Variants in SLC14A2 observed in about 807,000 individuals in gnomAD.
SLC14A2 encodes urea transporter 2.
A neutral mutation model predicts 104.6 loss-of-function variants in SLC14A2; 91 were observed. That is an observed-to-expected ratio of 0.87 (90% confidence interval 0.73 to 1.04). The LOEUF (loss-of-function observed/expected upper bound fraction) is 1.04, where lower values mean the gene tolerates loss of function less well. SLC14A2 is among the 50% of genes least tolerant of loss of function. The probability of loss-of-function intolerance (pLI) is 0.00; values close to 1 mark genes in which losing one functional copy is unlikely to be tolerated. For missense variants in SLC14A2, 1,189 were observed against 1,156.0 expected (o/e 1.03, Z -0.41); for synonymous variants, 476 against 466.4 (o/e 1.02, Z -0.27).
intron 1 of SLC14A2, among the ~76,000 whole-genome samples, chr18:45,232,788 T>C (rs955834019): frequency 3.3e-5 from 5 of 152,228 alleles, no homozygotes; most frequent in African/African-American, 1.2e-4. Flanking sequence ...CTGGATGTCA[T>C]GGGAGATGCT....
At chr18:45,354,766 A>G (rs1452569998) in intron 1 of SLC14A2, among the ~76,000 whole-genome samples, 1 of 152,176 alleles carries the variant, frequency 6.6e-6, no homozygotes, top group Non-Finnish European at 1.5e-5. Context: ...CACTTCCCCA[A>G]CCTTCACTCT....
At chr18:45,565,909 C>T (rs547173359) in intron 2 of SLC14A2, among the ~76,000 whole-genome samples, 1 of 152,328 alleles carries the variant, frequency 6.6e-6, no homozygotes, top group South Asian at 2.1e-4. Context: ...CCCTTTTACG[C>T]TGACACCTCA....
intron 1 of SLC14A2, among the ~76,000 whole-genome samples, chr18:45,340,079 T>C (rs1568158719): frequency 6.6e-6 from 1 of 152,230 alleles, no homozygotes; most frequent in African/African-American, 2.4e-5. Context: ...ACATGTGCTA[T>C]CTGAAAAGGA....
rs148116005 is a variant in SLC14A2, at chr18:45,285,567, G to A, written c.-125+72376G>A. On this transcript the variant is annotated intron_variant, in intron 1 of 20. Coordinates refer to the SLC14A2 transcript ENST00000586448. Reference sequence around the variant, plus strand: ...CGAGTAGCTGGGATTACAGGCACGCGTCACCACACTCAGCTTATTTTTGTA... The same window carrying A: ...CGAGTAGCTGGGATTACAGGCACGCATCACCACACTCAGCTTATTTTTGTA... 3.9e-4 allele frequency among the ~76,000 whole-genome samples: 60 copies of A among 151,914 alleles called. 1 individual carries two copies. Among genetic ancestry groups the A allele is most frequent in the Admixed American group, 2.8e-3 (42 of 15,260 alleles).
intron 2 of SLC14A2, chr18:45,528,067 C>A: frequency 6.6e-6 from 1 of 152,098 alleles, no homozygotes; most frequent in Non-Finnish European, 1.5e-5. Flanking sequence ...ATTATTTCCT[C>A]CTCCCTCCAG....
chr18:45,391,762 T>G (rs1278197934), intron 1 of SLC14A2, among the ~76,000 whole-genome samples: 2 of 152,258 alleles, frequency 1.3e-5, no homozygotes, highest in African/African-American at 4.8e-5. Flanking sequence ...CGCCCACTTT[T>G]TGATGGGGTT....
At chr18:45,390,064 G>T (rs1444300495) in intron 1 of SLC14A2, among the ~76,000 whole-genome samples, 1 of 152,152 alleles carries the variant, frequency 6.6e-6, no homozygotes, top group African/African-American at 2.4e-5. Flanking sequence ...GTATTTGGGG[G>T]AGAATTTGAG....
At chr18:45,609,940 G>A (rs940220680) in intron 2 of SLC14A2, among the ~76,000 whole-genome samples, 2 of 152,168 alleles carry the variant, frequency 1.3e-5, no homozygotes, top group African/African-American at 4.8e-5. Flanking sequence ...GGATGCAAAT[G>A]GCATTTAATT....
At chr18:45,200,766 C>A in the SLC14A2 span, among the ~76,000 whole-genome samples, 1 of 151,998 alleles carries the variant, frequency 6.6e-6, no homozygotes, top group Non-Finnish European at 1.5e-5. Flanking sequence ...TAAAAAGAAA[C>A]TTTTAAAGAA....
At chr18:45,249,793 T>TAAA (rs1010957579) in intron 1 of SLC14A2, among the ~76,000 whole-genome samples, 3 of 151,876 alleles carry the variant, frequency 2.0e-5, no homozygotes, top group African/African-American at 7.3e-5. Flanking sequence ...CTACTAAAAT[T>TAAA]AAAAAATTAG....
At chr18:45,213,587 T>C (rs1421094396) in intron 1 of SLC14A2, among the ~76,000 whole-genome samples, 2 of 152,222 alleles carry the variant, frequency 1.3e-5, no homozygotes, top group Non-Finnish European at 2.9e-5. Flanking sequence ...ATTAGTTTTG[T>C]AAGTTCTTTA....
intron 2 of SLC14A2, among the ~76,000 whole-genome samples, chr18:45,517,039 G>T (rs1176960155): frequency 6.6e-6 from 1 of 152,186 alleles, no homozygotes; most frequent in Non-Finnish European, 1.5e-5. Flanking sequence ...TCTGTGAACT[G>T]GGCACAAGGA....
chr18:45,286,732 GTGTGTC>G (rs898967522), intron 1 of SLC14A2, among the ~76,000 whole-genome samples: 1 of 152,048 alleles, frequency 6.6e-6, no homozygotes, highest in East Asian at 1.9e-4. Flanking sequence ...GTGTGTGTGT[GTGTGTC>G]TGTGTGTCTC....
chr18:45,359,070 C>T (rs140449178), intron 1 of SLC14A2, among the ~76,000 whole-genome samples: 126 of 152,242 alleles, frequency 8.3e-4, no homozygotes, highest in African/African-American at 3.0e-3. Context: ...TGGGGAGAGT[C>T]AGATGAGATA....
chr18:45,220,418 G>T (rs1221656341), intron 1 of SLC14A2, among the ~76,000 whole-genome samples: 1 of 152,170 alleles, frequency 6.6e-6, no homozygotes, highest in Non-Finnish European at 1.5e-5. Context: ...TAGGTTTCTG[G>T]ATTCTTTTAA....
At chr18:45,268,462 C>T (rs930822325) in intron 1 of SLC14A2, among the ~76,000 whole-genome samples, 5 of 152,232 alleles carry the variant, frequency 3.3e-5, no homozygotes, top group Non-Finnish European at 5.9e-5. Context: ...ATGCAACCAC[C>T]TTGAGTGCTT....
chr18:45,368,600 C>G (rs1016975063), intron 1 of SLC14A2, among the ~76,000 whole-genome samples: 1 of 152,188 alleles, frequency 6.6e-6, no homozygotes, highest in Non-Finnish European at 1.5e-5. Flanking sequence ...CTCTGTTTAA[C>G]AATCCATGAA....
chr18:45,620,996 T>G (rs1399416478), intron 1 of SLC14A2, among the ~76,000 whole-genome samples: 1 of 152,238 alleles, frequency 6.6e-6, no homozygotes, highest in Non-Finnish European at 1.5e-5. Flanking sequence ...AGCCACTGAA[T>G]TTAACACAAG....
chr18:45,469,454 G>A (rs1164068478), intron 1 of SLC14A2, among the ~76,000 whole-genome samples: 1 of 152,204 alleles, frequency 6.6e-6, no homozygotes, highest in Non-Finnish European at 1.5e-5. Context: ...AGGGATACAG[G>A]GGTGACAGTC....
Sources: allele counts gnomAD v4.1 joint callset (sites outside exome capture counted in the v4.1 genomes callset), GRCh38; gene constraint gnomAD v4.1.1; transcripts MANE v1.5; gene names NCBI Gene and HGNC (gene_info 2026-07-23, HGNC 2026-07-21).